Variants in CPA6 observed in about 807,000 individuals in gnomAD.
The protein encoded by CPA6 is carboxypeptidase A6.
In CPA6, 58 loss-of-function variants were observed where a neutral mutation model predicts 63.3. The ratio of observed to expected loss-of-function variants is 0.92; its 90% confidence interval spans 0.74 to 1.14. CPA6 has a LOEUF of 1.14. CPA6 is among the 50% of genes most tolerant of loss of function. CPA6 has a pLI of 0.00. For missense variants in CPA6, 565 were observed against 526.6 expected, an observed-to-expected ratio of 1.07 and a Z score of -0.71; for synonymous variants, 185 against 179.0, an observed-to-expected ratio of 1.03 and a Z score of -0.27.
intron 1 of CPA6, among the ~76,000 whole-genome samples, chr8:67,698,617 T>C (rs1301461618): frequency 6.6e-6 from 1 of 152,248 alleles, no homozygotes; most frequent in Non-Finnish European, 1.5e-5. Flanking sequence ...GTCTTCCGAT[T>C]CTGTGTCTAT....
At chr8:67,491,651 A>T (rs1811608817) in intron 6 of CPA6, among the ~76,000 whole-genome samples, 1 of 152,192 alleles carries the variant, frequency 6.6e-6, no homozygotes, top group Non-Finnish European at 1.5e-5. Flanking sequence ...GTATTTGCTC[A>T]TGAGAAGAAG....
chr8:67,656,837 A>C (rs1026423277), intron 1 of CPA6, among the ~76,000 whole-genome samples: 2 of 152,202 alleles, frequency 1.3e-5, no homozygotes, highest in Non-Finnish European at 2.9e-5. Flanking sequence ...CCAGAAGAAC[A>C]GAGTGCTGGA....
At chr8:67,555,742 T>C (rs1405893703) in intron 2 of CPA6, among the ~76,000 whole-genome samples, 2 of 152,162 alleles carry the variant, frequency 1.3e-5, no homozygotes, top group African/African-American at 4.8e-5. Context: ...AGGTCTCTGC[T>C]AACTCTGGGT....
chr8:67,642,467 C>CT (rs1266871270), intron 1 of CPA6, among the ~76,000 whole-genome samples: 7 of 152,058 alleles, frequency 4.6e-5, no homozygotes, highest in South Asian at 2.1e-4. Flanking sequence ...AAAATTTCAA[C>CT]TTTTTTTGGT....
At chr8:67,504,548 A>C (rs1032071842) in intron 6 of CPA6, among the ~76,000 whole-genome samples, 3 of 152,152 alleles carry the variant, frequency 2.0e-5, no homozygotes, top group African/African-American at 7.2e-5. Flanking sequence ...CCTAGGAAGA[A>C]GCTTATGTGG....
intron 1 of CPA6, among the ~76,000 whole-genome samples, chr8:67,744,175 C>T (rs931483043): frequency 7.2e-5 from 11 of 152,164 alleles, no homozygotes; most frequent in Non-Finnish European, 1.6e-4. Context: ...TGAATATGCT[C>T]AGAAATATTT....
intron 2 of CPA6, among the ~76,000 whole-genome samples, chr8:67,614,086 A>C (rs1814878768): frequency 6.6e-6 from 1 of 152,166 alleles, no homozygotes; most frequent in African/African-American, 2.4e-5. Flanking sequence ...AGAGCTCGAG[A>C]TACAGAAAGC....
intron 1 of CPA6, among the ~76,000 whole-genome samples, chr8:67,668,686 A>G (rs1816282616): frequency 6.6e-6 from 1 of 152,186 alleles, no homozygotes; most frequent in Admixed American, 6.5e-5. Flanking sequence ...AAAAATCTGG[A>G]TATTCAGCCA....
In CPA6 at chr8:67,434,194, A is replaced by G; in HGVS notation, c.885T>C (p.Pro295=). The G allele has an allele frequency of 1.2e-6, 2 of 1,614,168 alleles. No homozygotes were observed. Among genetic ancestry groups the G allele is most frequent in the Non-Finnish European group, 1.7e-6 (2 of 1,180,026 alleles). The change falls in exon 9 of 11, where the codon CCT becomes CCC. Residue 295 remains proline (P), a synonymous_variant. Coordinates refer to ENST00000297770, the MANE Select transcript of CPA6 (RefSeq NM_020361.5). The part of the protein sequence containing the change: ...MHPCDDTYCG[P]FPESEPEVKA... The stretch of plus-strand genomic sequence containing the variant: ...TCACTTCCGGCTCAGATTCTGGAAA[A>G]GGGCCACAGTATGTGTCATCACAAG...
At chr8:67,722,491 T>C (rs16933535) in intron 1 of CPA6, among the ~76,000 whole-genome samples, 3,406 of 152,306 alleles carry the variant, frequency 0.022, 111 homozygotes, top group African/African-American at 0.071. Context: ...TAAACTAGGC[T>C]GTGACCTGGT....
At chr8:67,700,346 G>A (rs1310430006) in intron 1 of CPA6, among the ~76,000 whole-genome samples, 1 of 152,196 alleles carries the variant, frequency 6.6e-6, no homozygotes, top group Admixed American at 6.5e-5. Flanking sequence ...TCTGGTAACT[G>A]ACCCCAAACT....
intron 1 of CPA6, among the ~76,000 whole-genome samples, chr8:67,724,565 C>A (rs1276296717): frequency 6.6e-6 from 1 of 152,184 alleles, no homozygotes; most frequent in African/African-American, 2.4e-5. Context: ...TGAGAAGACA[C>A]CTGTGTAGCA....
chr8:67,489,949 G>T (rs1172697357), intron 6 of CPA6, among the ~76,000 whole-genome samples: 2 of 152,100 alleles, frequency 1.3e-5, no homozygotes, highest in Non-Finnish European at 1.5e-5. Flanking sequence ...TAATTTCCAA[G>T]ACTTGTCAGA....
rs149721524 is a variant in CPA6 at position 67,649,612 on chromosome 8, G to A, written c.117-25361C>T. ...GCAATGATTATTTGTATATACACAA[G>A]AGCATTGGGAACTAAGGTTGAATTT... On this transcript the variant is annotated intron_variant, in intron 1 of 10. Transcript: ENST00000297770. 2.3e-3 allele frequency among the ~76,000 whole-genome samples: 355 copies of A among 152,278 alleles called. 1 individual carries two copies. Among genetic ancestry groups the A allele is most frequent in the African/African-American group, 8.3e-3 (344 of 41,562 alleles).
chr8:67,429,864 T>C (rs1002441941), intron 9 of CPA6, among the ~76,000 whole-genome samples: 2 of 152,176 alleles, frequency 1.3e-5, no homozygotes, highest in African/African-American at 4.8e-5. Flanking sequence ...ACAAAGGAGA[T>C]GCACAGTTTT....
At chr8:67,659,757 T>C (rs1185842827) in intron 1 of CPA6, among the ~76,000 whole-genome samples, 1 of 152,234 alleles carries the variant, frequency 6.6e-6, no homozygotes, top group African/African-American at 2.4e-5. Context: ...CCCCAAAGTG[T>C]CCTATTCACA....
At chr8:67,603,332 T>A (rs1814544611) in intron 2 of CPA6, among the ~76,000 whole-genome samples, 3 of 152,178 alleles carry the variant, frequency 2.0e-5, no homozygotes, top group African/African-American at 4.8e-5. Flanking sequence ...TTTTTTTTTT[T>A]ACAAAATTCT....
At chr8:67,557,989 GC>G (rs1813107147) in intron 2 of CPA6, among the ~76,000 whole-genome samples, 1 of 152,022 alleles carries the variant, frequency 6.6e-6, no homozygotes, top group Admixed American at 6.6e-5. Context: ...TTAGAACAAA[GC>G]CCTACATTTT....
At chr8:67,488,466 C>A (rs556292386) in intron 6 of CPA6, among the ~76,000 whole-genome samples, 2 of 152,028 alleles carry the variant, frequency 1.3e-5, no homozygotes, top group Non-Finnish European at 2.9e-5. Flanking sequence ...CCTTGTAGTA[C>A]AGTTTGAAGT....
Sources: gnomAD v4.1 joint callset for allele counts (sites outside exome capture counted in the v4.1 genomes callset) on GRCh38, gnomAD v4.1.1 for gene constraint, MANE v1.5 for transcripts, NCBI Gene and HGNC (gene_info 2026-07-23, HGNC 2026-07-21) for gene names.